Variants in PSD3 observed in about 807,000 individuals in gnomAD.
PSD3 encodes PH and SEC7 domain-containing protein 3.
A neutral mutation model predicts 105.5 loss-of-function variants in PSD3; 49 were observed. That is an observed-to-expected ratio of 0.46 (90% CI 0.37 to 0.59). The LOEUF is 0.59. PSD3 is among the 20% of genes least tolerant of loss of function. The probability of loss-of-function intolerance (pLI) is 0.00; values close to 1 mark genes in which losing one functional copy is unlikely to be tolerated. For missense variants in PSD3, 1,561 were observed against 1,263.8 expected (o/e 1.24, Z -3.57); for synonymous variants, 557 against 457.8 (o/e 1.22, Z -2.77).
intron 9 of PSD3, among the ~76,000 whole-genome samples, chr8:18,746,607 C>G (rs1805050420): frequency 6.6e-6 from 1 of 152,176 alleles, no homozygotes; most frequent in Non-Finnish European, 1.5e-5. Context: ...AGCTCATACC[C>G]CTGTAAAAGA....
intron 9 of PSD3, among the ~76,000 whole-genome samples, chr8:18,668,879 G>A (rs753031966): frequency 8.5e-5 from 13 of 152,190 alleles, no homozygotes; most frequent in Non-Finnish European, 1.8e-4. Flanking sequence ...GCTATCCACA[G>A]TATTACATTT....
At chr8:18,691,414 T>G (rs117305878) in intron 9 of PSD3, among the ~76,000 whole-genome samples, 3 of 152,192 alleles carry the variant, frequency 2.0e-5, no homozygotes, top group Admixed American at 2.0e-4. Context: ...AGCTCAGACC[T>G]TTCCAACCAT....
intron 15 of PSD3, among the ~76,000 whole-genome samples, chr8:18,551,817 T>G (rs1202819069): frequency 6.6e-6 from 1 of 152,124 alleles, no homozygotes; most frequent in African/African-American, 2.4e-5. Flanking sequence ...GTATCTTCCT[T>G]CCAAGCATGA....
intron 4 of PSD3, among the ~76,000 whole-genome samples, chr8:18,826,130 T>G (rs1813167272): frequency 6.6e-6 from 1 of 152,126 alleles, no homozygotes; most frequent in South Asian, 2.1e-4. Flanking sequence ...CTGGGACATT[T>G]CTCTTTTCTG....
chr8:18,665,334 G>T (rs748900804), intron 9 of PSD3, among the ~76,000 whole-genome samples: 3 of 152,218 alleles, frequency 2.0e-5, no homozygotes, highest in Non-Finnish European at 2.9e-5. Flanking sequence ...TGACTTTGGG[G>T]GGTTTGAGAC....
intron 12 of PSD3, among the ~76,000 whole-genome samples, chr8:18,584,769 G>A (rs955163967): frequency 1.3e-5 from 2 of 152,134 alleles, no homozygotes; most frequent in Admixed American, 1.3e-4. Context: ...CGGGAATACT[G>A]CTCTTAAATG....
chr8:18,856,270 G>C (rs957654547), intron 4 of PSD3, among the ~76,000 whole-genome samples: 1 of 152,128 alleles, frequency 6.6e-6, no homozygotes, highest in African/African-American at 2.4e-5. Context: ...CTCTGCACTA[G>C]AGTTATTTCT....
chr8:18,907,046 T>C (rs1441230374), intron 2 of PSD3, among the ~76,000 whole-genome samples: 1 of 152,212 alleles, frequency 6.6e-6, no homozygotes, highest in Non-Finnish European at 1.5e-5. Context: ...GTACAATGTA[T>C]ATGTATTTTA....
intron 9 of PSD3, among the ~76,000 whole-genome samples, chr8:18,687,855 C>T (rs1800748241): frequency 6.6e-6 from 1 of 152,138 alleles, no homozygotes; most frequent in African/African-American, 2.4e-5. Flanking sequence ...TAACCTCCGC[C>T]TCCCGGGTTC....
At chr8:18,859,261 T>C (rs886363164) in intron 4 of PSD3, among the ~76,000 whole-genome samples, 3 of 151,084 alleles carry the variant, frequency 2.0e-5, no homozygotes, top group African/African-American at 4.9e-5. Context: ...CAGTAGGTCT[T>C]AATAGTGGGC....
chr8:18,712,158 C>T (rs774509681), intron 9 of PSD3, among the ~76,000 whole-genome samples: 1 of 151,974 alleles, frequency 6.6e-6, no homozygotes, highest in African/African-American at 2.4e-5. Context: ...ACTAAATGCC[C>T]ACAGCAAAAA....
At chr8:18,637,440 C>T (rs1807338795) in intron 10 of PSD3, among the ~76,000 whole-genome samples, 1 of 152,162 alleles carries the variant, frequency 6.6e-6, no homozygotes, top group Non-Finnish European at 1.5e-5. Flanking sequence ...AGTCTTATCA[C>T]CCCCCAAATT....
At chr8:18,631,025 C>T (rs10099511) in intron 11 of PSD3, among the ~76,000 whole-genome samples, 2,499 of 151,968 alleles carry the variant, frequency 0.016, 70 homozygotes, top group African/African-American at 0.056. Flanking sequence ...TAAGGGACAA[C>T]GGTATTTTCG....
intron 9 of PSD3, among the ~76,000 whole-genome samples, chr8:18,752,020 CATA>C (rs1280868677): frequency 3.8e-5 from 5 of 131,984 alleles, no homozygotes; most frequent in African/African-American, 1.7e-4. Context: ...ACTAAAAATA[CATA>C]AAAAAAAAAA....
chr8:18,768,601 G>A (rs1013889288), intron 8 of PSD3, among the ~76,000 whole-genome samples: 4 of 152,208 alleles, frequency 2.6e-5, no homozygotes, highest in Admixed American at 1.3e-4. Context: ...TCAAGAAGAC[G>A]CACAGGCATC....
At chr8:18,821,168 T>C (rs1404548641) in intron 4 of PSD3, among the ~76,000 whole-genome samples, 2 of 136,406 alleles carry the variant, frequency 1.5e-5, no homozygotes, top group Admixed American at 8.4e-5. Flanking sequence ...ACAAGGTATT[T>C]TGAAATTCTT....
intron 14 of PSD3, among the ~76,000 whole-genome samples, chr8:18,568,604 C>T (rs996500130): frequency 3.9e-5 from 6 of 152,220 alleles, no homozygotes; most frequent in African/African-American, 1.4e-4. Context: ...AGCACTTTCA[C>T]TACGATCCAT....
At chr8:18,913,044 T>C (rs1377367381) in intron 2 of PSD3, among the ~76,000 whole-genome samples, 1 of 149,686 alleles carries the variant, frequency 6.7e-6, no homozygotes, top group African/African-American at 2.5e-5. Flanking sequence ...AAAAAAAATC[T>C]GGTTTAATCT....
intron 9 of PSD3, among the ~76,000 whole-genome samples, chr8:18,677,139 T>C (rs572234845): frequency 2.1e-4 from 32 of 152,310 alleles, no homozygotes; most frequent in African/African-American, 7.2e-4. Flanking sequence ...CATTTATTTA[T>C]ATGAAAGTAC....
Sources: gnomAD v4.1 joint callset for allele counts (sites outside exome capture counted in the v4.1 genomes callset) on GRCh38, gnomAD v4.1.1 for gene constraint, MANE v1.5 for transcripts, NCBI Gene and HGNC (gene_info 2026-07-23, HGNC 2026-07-21) for gene names.